Variants in VPS13C observed in about 807,000 individuals in gnomAD.
The protein encoded by VPS13C is vacuolar protein sorting 13 homolog C.
A neutral mutation model predicts 456.8 loss-of-function variants in VPS13C; 358 were observed. That is an observed-to-expected ratio of 0.78 (90% CI 0.72 to 0.86). The LOEUF (loss-of-function observed/expected upper bound fraction) is 0.86, where lower values mean the gene tolerates loss of function less well. Among genes scored for constraint, VPS13C ranks in the 40% least tolerant of loss-of-function variants. The pLI, the probability that VPS13C is intolerant of heterozygous loss-of-function variation, is 0.00. For missense variants in VPS13C, 4,818 were observed against 4,385.4 expected, an observed-to-expected ratio of 1.10 and a Z score of -2.79; for synonymous variants, 1,578 against 1,486.7, an observed-to-expected ratio of 1.06 and a Z score of -1.41.
chr15:61,976,721 AAATT>A (rs2045714167), intron 24 of VPS13C, among the ~76,000 whole-genome samples: 1 of 151,994 alleles, frequency 6.6e-6, no homozygotes, highest in South Asian at 2.1e-4. Flanking sequence ...CTTAAATTCA[AAATT>A]AATTTTCTAT....
chr15:61,953,454 T>C (rs2044875491), intron 38 of VPS13C, among the ~76,000 whole-genome samples: 1 of 145,354 alleles, frequency 6.9e-6, no homozygotes, highest in African/African-American at 2.6e-5. Flanking sequence ...GTGTCCTCAT[T>C]GTTCAATTCC....
intron 1 of VPS13C, among the ~76,000 whole-genome samples, chr15:62,050,244 C>T (rs145906851): frequency 6.6e-6 from 1 of 152,232 alleles, no homozygotes; most frequent in Admixed American, 6.5e-5. Context: ...AAGCCAATCC[C>T]ACAATCAAGT....
chr15:61,953,795 T>C (rs886744746), intron 38 of VPS13C, among the ~76,000 whole-genome samples: 1 of 152,082 alleles, frequency 6.6e-6, no homozygotes, highest in Admixed American at 6.6e-5. Flanking sequence ...GAAAATCTTT[T>C]ATGACCCTCT....
Position 61,906,756 on chromosome 15 carries a change from A to T in VPS13C, c.9105+508T>A, listed in dbSNP as rs149349934. The T allele has an allele frequency of 4.8e-3, 774 of 161,784 alleles. 9 individuals are homozygous for T. Among genetic ancestry groups the T allele is most frequent in the African/African-American group, 0.018 (734 of 41,612 alleles). 10.0% of individuals were successfully genotyped at this position (161,784 alleles called of 1,614,324 possible). A position where few individuals can be genotyped will look rare whatever the true frequency, so the allele number is the denominator to read the frequency against. On this transcript the variant is annotated intron_variant, in intron 66 of 84. Coordinates refer to ENST00000644861, the MANE Select transcript of VPS13C (RefSeq NM_020821.3). ...GTATATGAATTCTTTGGGCCCTTTC[A>T]GAGGCTAAGAGTCTAAAAAATAACA... is the stretch of plus-strand genomic sequence containing the variant.
At chr15:62,038,558 G>C (rs1376664295) in intron 3 of VPS13C, among the ~76,000 whole-genome samples, 1 of 152,174 alleles carries the variant, frequency 6.6e-6, no homozygotes. Flanking sequence ...CTGCATTCCA[G>C]GCTGGGCAAC....
In VPS13C at chr15:61,882,732, T is replaced by C. The variant is rs1430047472; in HGVS notation, c.9488A>G (p.Asn3163Ser). The C allele has an allele frequency of 1.3e-6, 2 of 1,588,066 alleles. No individual in the cohort carries two copies. Among genetic ancestry groups the C allele is most frequent in the Admixed American group, 1.8e-5 (1 of 54,626 alleles). The change falls in exon 69 of 85, where the codon AAT (asparagine) becomes AGT (serine). Residue 3163 changes from asparagine (N) to serine (S), a missense_variant. Physicochemically the swap from Asn to Ser is conservative, Grantham distance 46 (BLOSUM62 1). Around this residue, in one of 3 missense-constraint regions of VPS13C, gnomAD observed 4,552 missense variants for 4,130.6 expected, o/e 1.10. Transcript: ENST00000644861. ...CATTTCCATTGGATCTTTATCAAAA[T>C]TGACCTAGAAAAAAAGCACATGTTT... ...WIKLDNNFEV[N>S]FDKDPMEMRL...
chr15:61,874,157 T>C (rs1030031489), intron 77 of VPS13C, among the ~76,000 whole-genome samples: 6 of 151,992 alleles, frequency 3.9e-5, no homozygotes, highest in Admixed American at 2.6e-4. Flanking sequence ...AGAGTAGAAC[T>C]GTGGTTATTA....
chr15:62,034,935 G>C, intron 4 of VPS13C, 22 bp downstream of exon 4: 3 of 1,518,578 alleles, frequency 2.0e-6, no homozygotes, highest in Non-Finnish European at 2.7e-6. Context: ...TTATTGAATG[G>C]TTATAACCTA....
At chr15:61,877,380 G>A (rs559821527) in intron 74 of VPS13C, among the ~76,000 whole-genome samples, 1 of 123,690 alleles carries the variant, frequency 8.1e-6, no homozygotes, top group African/African-American at 2.6e-5. Flanking sequence ...AAAACATTTT[G>A]TATGCCCTGT....
At chr15:61,875,673 TA>T (rs1895365250) in intron 76 of VPS13C, 58 bp downstream of exon 76, 3 of 1,215,196 alleles carry the variant, frequency 2.5e-6, no homozygotes, top group South Asian at 1.3e-5. Context: ...TATTTGTTAT[TA>T]AAAAATAGAC....
chr15:61,867,689 T>C lies in VPS13C; in HGVS notation c.10863+970A>G, dbSNP rs74547524. The C allele has an allele frequency of 2.3e-3, 3,097 of 1,321,598 alleles. 71 individuals carry two copies. The African/African-American group carries it at 0.043, about 18-fold the overall frequency. 81.9% of individuals were successfully genotyped at this position (1,321,598 alleles called of 1,614,324 possible). On this transcript the variant is annotated intron_variant, in intron 81 of 84. Transcript: ENST00000644861. The surrounding 1 kb of genome is among the most constrained non-coding windows in gnomAD (Gnocchi z 5.0). ...TCATCTATTAAACGCAGAAGAGAGC[T>C]GATTCTCTGCATCCTTTAATATTTT...
Position 61,958,482 on chromosome 15 carries a change from G to A in VPS13C, c.4165+126C>T. The A allele has an allele frequency of 5.1e-6, 3 of 589,416 alleles. No homozygotes were observed. In the East Asian group the frequency reaches 9.7e-5, roughly 19 times the overall value. 36.5% of individuals were successfully genotyped at this position (589,416 alleles called of 1,614,324 possible). A position where few individuals can be genotyped will look rare whatever the true frequency, so the allele number is the denominator to read the frequency against. On this transcript the variant is annotated intron_variant, in intron 37 of 84. Transcript: ENST00000644861. The stretch of plus-strand genomic sequence containing the variant: ...GATTTCATTCAATAGCATCTTGTTT[G>A]TTTACTCGGTAATACAAACTGCAAT...
At chr15:61,983,750 G>A (rs2045953461) in intron 20 of VPS13C, 70 bp downstream of exon 20, 6 of 1,464,242 alleles carry the variant, frequency 4.1e-6, no homozygotes, top group Non-Finnish European at 5.6e-6. Context: ...TGAAAGAGGA[G>A]AAATAAGAAA....
chr15:61,915,981 A>G lies in VPS13C; in HGVS notation c.8097T>C (p.Ala2699=), dbSNP rs768468472. Reference sequence around the variant, plus strand: ...CACTGATTCTCGAATGCAGAACATCAGCAGTACTGCCTTCTGCCAGCTCAT... The same window carrying G: ...CACTGATTCTCGAATGCAGAACATCGGCAGTACTGCCTTCTGCCAGCTCAT... ...ETHELAEGST[A]DVLHSRISGE... is the part of the protein sequence containing the mutation. The change falls in exon 61 of 85, where the codon GCT becomes GCC. Residue 2699 remains alanine (A), a synonymous_variant. Coordinates refer to ENST00000644861, the MANE Select transcript of VPS13C (RefSeq NM_020821.3). 1.9e-6 allele frequency: 3 copies of G among 1,610,866 alleles called. No homozygotes were observed. Among genetic ancestry groups the G allele is most frequent in the South Asian group, 1.1e-5 (1 of 90,958 alleles).
At chr15:62,000,222 C>T (rs200788220) in intron 16 of VPS13C, among the ~76,000 whole-genome samples, 212 of 152,130 alleles carry the variant, frequency 1.4e-3, no homozygotes, top group East Asian at 8.0e-3. Context: ...AAAAATTAGC[C>T]GGGCGTGGTG....
Position 61,920,777 on chromosome 15 carries a change from T to C in VPS13C, c.7063-130A>G. ...TTCGCAAAAGTCTTATTTTCAAAAATATACCATGCTTCACTTTGATTTCAT... is the reference window on the plus strand; with the variant it reads ...TTCGCAAAAGTCTTATTTTCAAAAACATACCATGCTTCACTTTGATTTCAT... On this transcript the variant is annotated intron_variant, in intron 55 of 84. Transcript: ENST00000644861. The C allele has an allele frequency of 5.5e-6, 4 of 728,772 alleles. No homozygotes were observed. The South Asian group carries it at 1.5e-4, about 27-fold the overall frequency. 45.1% of individuals were successfully genotyped at this position (728,772 alleles called of 1,614,324 possible). A position where few individuals can be genotyped will look rare whatever the true frequency, so the allele number is the denominator to read the frequency against.
Position 61,951,032 on chromosome 15 carries a change from AG to A in VPS13C, c.4457-9del. 1.3e-6 allele frequency: 2 copies of A among 1,556,396 alleles called. No homozygotes were observed. Among genetic ancestry groups the A allele is most frequent in the South Asian group, 2.4e-5 (2 of 83,188 alleles). On this transcript the variant is annotated splice_polypyrimidine_tract_variant and intron_variant, in intron 39 of 84. Coordinates refer to ENST00000644861, the MANE Select transcript of VPS13C (RefSeq NM_020821.3). ...GAGGTTCCCCTTTAGAGTCTAAAAGAGAAAAAAGACAAAGTTGATCCATCAA... is the reference window on the plus strand; with the variant it reads ...GAGGTTCCCCTTTAGAGTCTAAAAGAAAAAAAGACAAAGTTGATCCATCAA...
intron 9 of VPS13C, among the ~76,000 whole-genome samples, chr15:62,019,470 G>C (rs1338338908): frequency 6.6e-6 from 1 of 152,078 alleles, no homozygotes; most frequent in Non-Finnish European, 1.5e-5. Context: ...ATGTGTCCCA[G>C]AGATTCTGGT....
At chr15:62,010,620 AT>A in intron 12 of VPS13C, 21 bp from the exon 13 acceptor site, 1 of 1,603,664 alleles carries the variant, frequency 6.2e-7, no homozygotes, top group Non-Finnish European at 8.5e-7. Context: ...ATGGGAAGAC[AT>A]AAGATATGTT....
Sources: gnomAD v4.1 joint callset for allele counts (sites outside exome capture counted in the v4.1 genomes callset) on GRCh38, gnomAD v4.1.1 for gene constraint, gnomAD v4.1.1 regional missense constraint, Gnocchi (gnomAD v3.1) non-coding constraint, MANE v1.5 for transcripts, NCBI Gene and HGNC (gene_info 2026-07-23, HGNC 2026-07-21) for gene names.